Variants in ITIH5 observed in about 807,000 individuals in gnomAD.
ITIH5 encodes the protein inter-alpha-trypsin inhibitor heavy chain H5.
Under a neutral mutation model 77.5 loss-of-function variants are expected in ITIH5, and 65 were observed. The observed-to-expected ratio is 0.84, with a 90% CI of 0.69 to 1.03. The LOEUF is 1.03. ITIH5 is among the 50% of genes least tolerant of loss of function. The pLI is 0.00. For missense variants in ITIH5, 1,208 were observed against 1,213.1 expected, an observed-to-expected ratio of 1.00 and a Z score of 0.06; for synonymous variants, 525 against 494.3, an observed-to-expected ratio of 1.06 and a Z score of -0.82.
chr10:7,652,788 C>T (rs1397218123), intron 2 of ITIH5, among the ~76,000 whole-genome samples: 1 of 151,974 alleles, frequency 6.6e-6, no homozygotes, highest in African/African-American at 2.4e-5. Context: ...TTCAGAGAGG[C>T]ATTCTTCCAG....
At position 7,559,857 on chromosome 10, in the gene ITIH5, GTT is replaced by G. The variant is rs746524069; in HGVS notation, c.*3224_*3225del. 2.2e-6 allele frequency: 1 copy of G among 450,968 alleles called. No homozygotes were observed. Among genetic ancestry groups the G allele is most frequent in the African/African-American group, 2.1e-5 (1 of 48,206 alleles). The allele number at this position is 450,968 out of a possible 1,614,324, so 27.9% of individuals were successfully genotyped here. A position where few individuals can be genotyped will look rare whatever the true frequency, so the allele number is the denominator to read the frequency against. On this transcript the variant is annotated 3_prime_UTR_variant, in exon 14 of 14. Coordinates refer to ENST00000397146, the MANE Select transcript of ITIH5 (RefSeq NM_030569.7). The stretch of plus-strand genomic sequence containing the variant: ...CTCTCCCATGTCTTTTTTTTGTTTT[GTT>G]TTGTTTTTTTTTGACGGAGTTTGGC...
rs1554757743 is a variant in ITIH5 at position 7,644,752 on chromosome 10, C to CACATATATATCAT, written c.136-2663_136-2662insATGATATATATGT. Among the ~76,000 whole-genome samples, 28 of 121,100 alleles carry CACATATATATCAT rather than the reference C, an allele frequency of 2.3e-4. 1 individual carries two copies. Among genetic ancestry groups the CACATATATATCAT allele is most frequent in the South Asian group, 1.2e-3 (5 of 4,056 alleles). 79.4% of individuals were successfully genotyped at this position (121,100 alleles called of 152,430 possible). A position where few individuals can be genotyped will look rare whatever the true frequency, so the allele number is the denominator to read the frequency against. ...ACATATCTATATCACATATATATCACATATATCACATATATATCATATATA... is the reference window on the plus strand; with the variant it reads ...ACATATCTATATCACATATATATCACACATATATATCATATATATCACATATATATCATATATA... On this transcript the variant is annotated intron_variant, in intron 2 of 13. Transcript: ENST00000397146.
intron 4 of ITIH5, among the ~76,000 whole-genome samples, chr10:7,639,981 A>G (rs1833856455): frequency 6.6e-6 from 1 of 152,070 alleles, no homozygotes; most frequent in Non-Finnish European, 1.5e-5. Flanking sequence ...GGAAGAAGAA[A>G]TAAAAGAATA....
intron 5 of ITIH5, chr10:7,619,335 A>T (rs11255245): frequency 0.15 from 22,780 of 153,160 alleles, 1,842 homozygotes; most frequent in East Asian, 0.26. Context: ...TCACTTCTTA[A>T]CAGCTGTGAG....
At chr10:7,578,305 T>C (rs559704835) in intron 9 of ITIH5, 3 of 167,698 alleles carry the variant, frequency 1.8e-5, no homozygotes, top group Non-Finnish European at 4.4e-5. Flanking sequence ...CCTCCTAGGA[T>C]TTCTGTGAGG....
At chr10:7,579,305 C>T (rs188694155) in intron 9 of ITIH5, among the ~76,000 whole-genome samples, 1,976 of 152,330 alleles carry the variant, frequency 0.013, 20 homozygotes, top group South Asian at 0.029. Context: ...GCGGGCAGAT[C>T]ACCTGAGGTC....
Position 7,586,144 on chromosome 10 carries a change from CCCG to C in ITIH5, c.940-78_940-76del, listed in dbSNP as rs200669992. ...CTTGTCCCCTGTTCTAGAAACCGCC[CCCG>C]CCCCCCAGGAAAAATGTCAGGGTTC... On this transcript the variant is annotated intron_variant, in intron 7 of 13. Coordinates refer to ENST00000397146, the MANE Select transcript of ITIH5 (RefSeq NM_030569.7). 1,708 of 1,304,314 alleles carry C rather than the reference CCCG, an allele frequency of 1.3e-3. 1 individual carries two copies. Among genetic ancestry groups the C allele is most frequent in the South Asian group, 2.4e-3 (159 of 65,002 alleles). The allele number at this position is 1,304,314 out of a possible 1,614,324, so 80.8% of individuals were successfully genotyped here. A position where few individuals can be genotyped will look rare whatever the true frequency, so the allele number is the denominator to read the frequency against.
At chr10:7,569,808 GAGAAAA>G in intron 11 of ITIH5, 24 bp from the exon 12 acceptor site, 1 of 1,473,474 alleles carries the variant, frequency 6.8e-7, no homozygotes, top group Non-Finnish European at 9.3e-7. Flanking sequence ...AGAAAACGGA[GAGAAAA>G]AGAAAGACAC....
chr10:7,660,127 A>G (rs1834253144), intron 1 of ITIH5, among the ~76,000 whole-genome samples: 2 of 152,196 alleles, frequency 1.3e-5, no homozygotes, highest in East Asian at 3.8e-4. Context: ...ATTTATTGAG[A>G]AAAACGTAAG....
intron 12 of ITIH5, among the ~76,000 whole-genome samples, chr10:7,567,929 G>A (rs906767462): frequency 2.0e-5 from 3 of 152,190 alleles, no homozygotes; most frequent in Admixed American, 1.3e-4. Context: ...TGGACAGATG[G>A]AAAACCTAAC....
intron 7 of ITIH5, chr10:7,600,451 A>C (rs1832991677): frequency 2.2e-6 from 1 of 447,338 alleles, no homozygotes; most frequent in Non-Finnish European, 4.5e-6. Context: ...CCTTCAGCCC[A>C]CTGCTGCCAT....
intron 9 of ITIH5, among the ~76,000 whole-genome samples, chr10:7,577,919 C>G (rs1455565096): frequency 6.6e-6 from 1 of 152,224 alleles, no homozygotes; most frequent in Non-Finnish European, 1.5e-5. Flanking sequence ...CATCCAGCTA[C>G]AAACTACATT....
chr10:7,589,312 T>G (rs1202721285), intron 7 of ITIH5, among the ~76,000 whole-genome samples: 1 of 151,928 alleles, frequency 6.6e-6, no homozygotes, highest in African/African-American at 2.4e-5. Context: ...ATACAAAAAT[T>G]AGCTGGGCAT....
At chr10:7,571,965 T>C in intron 11 of ITIH5, 1 of 993,116 alleles carries the variant, frequency 1.0e-6, no homozygotes, top group Non-Finnish European at 1.2e-6. Context: ...TGAGAGTTTC[T>C]ATGTGCACAT....
chr10:7,578,461 T>C (rs530100373), intron 9 of ITIH5: 1 of 165,942 alleles, frequency 6.0e-6, no homozygotes, highest in African/African-American at 2.4e-5. Flanking sequence ...TTATTGAATT[T>C]CAATTCTGTT....
At chr10:7,619,606 G>A in intron 5 of ITIH5, 1 of 392,412 alleles carries the variant, frequency 2.5e-6, no homozygotes, top group Admixed American at 2.6e-5. Flanking sequence ...GGGAAGCCTC[G>A]GGAAACTTAC....
chr10:7,587,275 A>G (rs1588377340), intron 7 of ITIH5, among the ~76,000 whole-genome samples: 1 of 152,298 alleles, frequency 6.6e-6, no homozygotes, highest in Non-Finnish European at 1.5e-5. Flanking sequence ...ATGACCTGAA[A>G]CCAGAAATAC....
In ITIH5 at chr10:7,604,091, T is replaced by C. The variant is rs561972542; in HGVS notation, c.939+11891A>G. On this transcript the variant is annotated intron_variant, in intron 7 of 13. Coordinates refer to ENST00000397146, the MANE Select transcript of ITIH5 (RefSeq NM_030569.7). ...CCCTGGTCCAGAAGCCCTTGATGGG[T>C]AGATTATCAGAGTTCCTTGATTCCA... Among the ~76,000 whole-genome samples the C allele has an allele frequency of 1.0e-3, 156 of 152,236 alleles. 1 individual carries two copies. Among genetic ancestry groups the C allele is most frequent in the African/African-American group, 3.3e-3 (138 of 41,526 alleles).
intron 5 of ITIH5, among the ~76,000 whole-genome samples, chr10:7,636,204 A>C (rs568422017): frequency 6.6e-6 from 1 of 152,322 alleles, no homozygotes; most frequent in East Asian, 1.9e-4. Flanking sequence ...ACGGTGATTA[A>C]AACTAGATTA....
Sources: gnomAD v4.1 joint callset for allele counts (sites outside exome capture counted in the v4.1 genomes callset) on GRCh38, gnomAD v4.1.1 for gene constraint, MANE v1.5 for transcripts, NCBI Gene and HGNC (gene_info 2026-07-23, HGNC 2026-07-21) for gene names.